UNC13A: variants seen among roughly 807,000 people sequenced by gnomAD.
The protein encoded by UNC13A is protein unc-13 homolog A.
UNC13A carries 61 observed loss-of-function variants against 219.7 expected under a neutral mutation model. That is an observed-to-expected ratio of 0.28 (90% CI 0.23 to 0.34). The LOEUF (loss-of-function observed/expected upper bound fraction) is 0.34. Among genes scored for constraint, UNC13A ranks in the 10% least tolerant of loss-of-function variants. The probability of loss-of-function intolerance (pLI) is 1.00; values close to 1 mark genes in which losing one functional copy is unlikely to be tolerated. For synonymous variants in UNC13A, 920 were observed against 884.6 expected (o/e 1.04, Z -0.71); for missense variants, 1,476 against 2,270.3 (o/e 0.65, Z 7.11).
chr19:17,666,177 T>TTCTC (rs1238720055), intron 7 of UNC13A, among the ~76,000 whole-genome samples: 4 of 31,740 alleles, frequency 1.3e-4, no homozygotes, highest in Non-Finnish European at 2.3e-4. Context: ...CTTTCTTTCT[T>TTCTC]TCTCTCTCTC....
At chr19:17,672,543 G>A (rs757522976) in intron 3 of UNC13A, 48 bp from the exon 4 acceptor site, 23 of 1,495,506 alleles carry the variant, frequency 1.5e-5, no homozygotes, top group East Asian at 4.5e-5. Flanking sequence ...GGGAGGAAAC[G>A]GGGGCCCAGG....
chr19:17,675,653 G>T lies in UNC13A; in HGVS notation c.52+359C>A, dbSNP rs534728624. On this transcript the variant is annotated intron_variant, in intron 2 of 43. Transcript: ENST00000519716. ...CTCAAAAAAAAAAAAAAAAGAAGAA[G>T]AAGAAAAGAAAGAAACTCCTTTCGC... Among the ~76,000 whole-genome samples the T allele has an allele frequency of 2.0e-5, 3 of 148,680 alleles. No individual in the cohort carries two copies. In the South Asian group the frequency reaches 6.3e-4, roughly 31 times the overall value.
In UNC13A at chr19:17,601,432, A is replaced by AT. The variant is rs2076462727; in HGVS notation, c.*4621dup. On this transcript the variant is annotated 3_prime_UTR_variant, in exon 44 of 44. Transcript: ENST00000519716. ...AGTGCAAAACATCTCAACACCATGC[A>AT]TTCATGACCACTTCTCGTTTGTGTT... is the stretch of plus-strand genomic sequence containing the variant. The AT allele has an allele frequency of 6.6e-6, 1 of 152,628 alleles. No individual in the cohort carries two copies. Among genetic ancestry groups the AT allele is most frequent in the South Asian group, 2.1e-4 (1 of 4,834 alleles). The allele number at this position is 152,628 out of a possible 1,614,324, so 9.5% of individuals were successfully genotyped here.
chr19:17,669,511 T>C (rs2079736196), intron 5 of UNC13A, 42 bp downstream of exon 5: 1 of 1,602,744 alleles, frequency 6.2e-7, no homozygotes, highest in Non-Finnish European at 8.5e-7. Context: ...AGTCCACAAC[T>C]GGGGCTGGGG....
At chr19:17,641,589 G>A in intron 20 of UNC13A, 33 bp from the exon 21 acceptor site, 4 of 1,603,258 alleles carry the variant, frequency 2.5e-6, no homozygotes, top group African/African-American at 1.3e-5. Flanking sequence ...GTCATGGAGA[G>A]TGCAAGGGGT....
chr19:17,639,876 C>A lies in UNC13A; in HGVS notation c.2820G>T (p.Leu940=). ...KERFVKLLDQ[L]HNSLRIDLSM... is the part of the protein sequence containing the mutation. ...AGAGGTCAATCCGCAGGGAGTTATG[C>A]AGCTGGTCCAGGAGTTTCACGAAGC... Residue 940 remains leucine, a synonymous_variant, in exon 23 of 44, where the codon CTG becomes CTT. Transcript: ENST00000519716. 1.9e-6 allele frequency: 3 copies of A among 1,613,800 alleles called. No individual in the cohort carries two copies. Among genetic ancestry groups the A allele is most frequent in the Non-Finnish European group, 1.7e-6 (2 of 1,179,846 alleles).
At chr19:17,686,719 A>G (rs1338454606) in intron 1 of UNC13A, among the ~76,000 whole-genome samples, 1 of 150,298 alleles carries the variant, frequency 6.7e-6, no homozygotes, top group African/African-American at 2.5e-5. Context: ...CTTTAAGAAC[A>G]CCCGCGTCCA....
chr19:17,668,157 T>C lies in UNC13A; in HGVS notation c.428A>G (p.Lys143Arg). Residue 143 changes from lysine to arginine, a missense_variant, in exon 6 of 44, where the codon AAG becomes AGG. Physicochemically the swap from Lys to Arg is conservative, Grantham distance 26. This residue lies in a region of UNC13A where 203 missense variants were observed against 301.6 expected (regional missense o/e 0.67). Transcript: ENST00000519716. ...IPEEEARYWA[K>R]KLEQLNAMRD... The stretch of plus-strand genomic sequence containing the variant: ...CATAGCATTGAGCTGCTCCAGCTTC[T>C]TGGCCCAGTAGCGAGCCTCCTCTTC... The C allele has an allele frequency of 1.2e-6, 2 of 1,613,878 alleles. No homozygotes were observed. The highest frequency in any genetic ancestry group is 8.5e-7 in the Non-Finnish European group (1 of 1,179,802).
At chr19:17,635,434 T>C (rs2076903672) in intron 26 of UNC13A, among the ~76,000 whole-genome samples, 1 of 152,158 alleles carries the variant, frequency 6.6e-6, no homozygotes, top group Non-Finnish European at 1.5e-5. Context: ...GGCAGAGAAA[T>C]AGAACACAGT....
chr19:17,630,599 C>T, intron 29 of UNC13A, 55 bp downstream of exon 29: 1 of 1,591,110 alleles, frequency 6.3e-7, no homozygotes. Flanking sequence ...AAATTTCCAC[C>T]TAAATTGACC....
chr19:17,622,025 CTG>C, intron 36 of UNC13A, 155 bp from the exon 37 acceptor site: 2 of 742,992 alleles, frequency 2.7e-6, no homozygotes, highest in Non-Finnish European at 4.7e-6. Flanking sequence ...GTGTGTGTGT[CTG>C]TGTGTGTGCA....
intron 36 of UNC13A, chr19:17,622,853 G>A (rs573836703): frequency 6.6e-6 from 1 of 152,306 alleles, no homozygotes; most frequent in Non-Finnish European, 1.5e-5. Context: ...CCATTTTCCA[G>A]ACAAGGAAAC....
chr19:17,672,578 C>A, intron 3 of UNC13A, 83 bp from the exon 4 acceptor site: 1 of 1,041,000 alleles, frequency 9.6e-7, no homozygotes. Flanking sequence ...CGCCTGAGAA[C>A]ACACAGCATA....
In UNC13A at chr19:17,665,663, G is replaced by A. The variant is rs147574443; in HGVS notation, c.523+987C>T. Among the ~76,000 whole-genome samples, 19 of 152,254 alleles carry A rather than the reference G, an allele frequency of 1.2e-4. No homozygotes were observed. In the East Asian group the frequency reaches 2.9e-3, roughly 23 times the overall value. On this transcript the variant is annotated intron_variant, in intron 7 of 43. Transcript: ENST00000519716. ...AAAATGGGTTAGTGAAACAGCCTTC[G>A]TCTGTTGTACGTGCGCCCATTGTAC...
intron 1 of UNC13A, among the ~76,000 whole-genome samples, chr19:17,686,004 C>A (rs1467912608): frequency 6.6e-6 from 1 of 151,704 alleles, no homozygotes; most frequent in East Asian, 1.9e-4. Context: ...GCACTTCTCC[C>A]TCTCCCCACC....
At chr19:17,637,282 C>A (rs1003838590) in intron 25 of UNC13A, among the ~76,000 whole-genome samples, 1 of 148,182 alleles carries the variant, frequency 6.7e-6, no homozygotes, top group Non-Finnish European at 1.5e-5. Flanking sequence ...GCCTGGCTCA[C>A]TAATTTGTCA....
At chr19:17,679,315 G>A (rs576937982) in intron 1 of UNC13A, among the ~76,000 whole-genome samples, 24 of 151,990 alleles carry the variant, frequency 1.6e-4, no homozygotes, top group South Asian at 1.5e-3. Context: ...CAGGAGAATC[G>A]CTTGAACCCA....
At chr19:17,628,965 TCACACA>T (rs148478994) in intron 31 of UNC13A, among the ~76,000 whole-genome samples, 27 of 149,362 alleles carry the variant, frequency 1.8e-4, no homozygotes, top group African/African-American at 6.4e-4. Flanking sequence ...GTGCACAGAC[TCACACA>T]CACACACACA....
chr19:17,613,853 C>G (rs1335120529), intron 41 of UNC13A: 1 of 120,290 alleles, frequency 8.3e-6, no homozygotes, highest in East Asian at 2.6e-4. Flanking sequence ...GTAGCTGGGA[C>G]TACAGGTGCA....
Sources: allele counts gnomAD v4.1 joint callset (sites outside exome capture counted in the v4.1 genomes callset), GRCh38; gene constraint gnomAD v4.1.1; regional missense constraint gnomAD v4.1.1; transcripts MANE v1.5; gene names NCBI Gene and HGNC (gene_info 2026-07-23, HGNC 2026-07-21).